The following CLPTM1 variants were observed in gnomAD, a reference collection of about 807,000 sequenced individuals.
CLPTM1 encodes the protein putative lipid scramblase CLPTM1.
Under a neutral mutation model 77.3 loss-of-function variants are expected in CLPTM1, and 21 were observed. The observed-to-expected ratio is 0.27, with a 90% CI of 0.19 to 0.39. The LOEUF is 0.39. Among genes scored for constraint, CLPTM1 ranks in the 10% least tolerant of loss-of-function variants. The probability of loss-of-function intolerance (pLI) is 1.00; values close to 1 mark genes in which losing one functional copy is unlikely to be tolerated. For missense variants in CLPTM1, 642 were observed against 921.2 expected, an observed-to-expected ratio of 0.70 and a Z score of 3.92; for synonymous variants, 373 against 381.0, an observed-to-expected ratio of 0.98 and a Z score of 0.24.
At chr19:44,988,471 C>T (rs1025833374) in intron 9 of CLPTM1, among the ~76,000 whole-genome samples, 6 of 152,264 alleles carry the variant, frequency 3.9e-5, no homozygotes, top group South Asian at 2.1e-4. Context: ...AGGGAAGCCC[C>T]GGAGCTGCTC....
At chr19:44,964,584 T>C (rs1162805066) in intron 2 of CLPTM1, among the ~76,000 whole-genome samples, 1 of 152,170 alleles carries the variant, frequency 6.6e-6, no homozygotes, top group Non-Finnish European at 1.5e-5. Flanking sequence ...GTCCTGGGAT[T>C]ATAGGCGTGA....
intron 2 of CLPTM1, among the ~76,000 whole-genome samples, chr19:44,968,265 ACTC>A (rs1457968684): frequency 2.0e-5 from 3 of 151,912 alleles, no homozygotes; most frequent in African/African-American, 7.3e-5. Flanking sequence ...GGGCCCATGA[ACTC>A]CTTGTAGCTT....
At chr19:44,971,652 G>A (rs1185718102) in intron 2 of CLPTM1, among the ~76,000 whole-genome samples, 2 of 152,016 alleles carry the variant, frequency 1.3e-5, no homozygotes, top group African/African-American at 4.8e-5. Flanking sequence ...TTGACCGTCA[G>A]GGCTCAAGTG....
chr19:44,992,492 G>A lies in CLPTM1; in HGVS notation c.1723+92G>A. The A allele has an allele frequency of 6.3e-7, 1 of 1,589,698 alleles. No individual in the cohort carries two copies. Among genetic ancestry groups the A allele is most frequent in the South Asian group, 1.1e-5 (1 of 89,430 alleles). On this transcript the variant is annotated intron_variant, in intron 13 of 13. Transcript: ENST00000337392. This position sits in a 1 kb window ranked among gnomAD's most constrained non-coding sequence, Gnocchi z 7.7. ...GGCCTGAGGGGGTGCCACGGCCCCA[G>A]ATGGGGTGCTCAGTCTGAGGGGGCT...
intron 3 of CLPTM1, among the ~76,000 whole-genome samples, 162 bp downstream of exon 3, chr19:44,973,372 G>A (rs899601950): frequency 1.3e-5 from 2 of 152,138 alleles, no homozygotes; most frequent in South Asian, 4.1e-4. Context: ...TCCCCAACAC[G>A]TGAGACCTCT....
intron 7 of CLPTM1, chr19:44,986,781 C>G (rs10420691): frequency 1.7e-6 from 1 of 602,048 alleles, no homozygotes; most frequent in Non-Finnish European, 2.8e-6. Flanking sequence ...GACTTCTACA[C>G]GCCAGCATCG....
rs148998756 is a variant in CLPTM1, at chr19:44,985,860, G to A, written c.672+557G>A. Among the ~76,000 whole-genome samples, 395 of 152,324 alleles carry A rather than the reference G, an allele frequency of 2.6e-3. 2 individuals carry two copies. Among genetic ancestry groups the A allele is most frequent in the African/African-American group, 9.0e-3 (373 of 41,572 alleles). ...GGAGCTGAGGCCACCGTGCAAGAGT[G>A]TGTGGAGCCTGCTGTCATGAGGCTG... On this transcript the variant is annotated intron_variant, in intron 6 of 13. Transcript: ENST00000337392.
At chr19:44,958,088 A>G (rs1488315590) in intron 1 of CLPTM1, among the ~76,000 whole-genome samples, 3 of 152,160 alleles carry the variant, frequency 2.0e-5, no homozygotes, top group Non-Finnish European at 4.4e-5. Flanking sequence ...AAGAGTTGCA[A>G]TTAAATAGGG....
In CLPTM1 at chr19:44,973,770, T is replaced by TG. The variant is rs369372025; in HGVS notation, c.309+560_309+561insG. 3.9e-4 allele frequency among the ~76,000 whole-genome samples: 53 copies of TG among 135,742 alleles called. 1 individual carries two copies. Among genetic ancestry groups the TG allele is most frequent in the East Asian group, 2.8e-3 (13 of 4,696 alleles). 89.1% of individuals were successfully genotyped at this position (135,742 alleles called of 152,430 possible). A position where few individuals can be genotyped will look rare whatever the true frequency, so the allele number is the denominator to read the frequency against. ...TGTTGGGTCACAGTGGGTTTTTTTT[T>TG]TTTTTTTTTTTGAGATGGAGTCTCA... On this transcript the variant is annotated intron_variant, in intron 3 of 13. Coordinates refer to ENST00000337392, the MANE Select transcript of CLPTM1 (RefSeq NM_001294.4).
intron 5 of CLPTM1, 26 bp downstream of exon 5, chr19:44,977,486 C>A: frequency 1.3e-6 from 2 of 1,543,674 alleles, no homozygotes; most frequent in Non-Finnish European, 8.9e-7. Context: ...GCAGCCAGGA[C>A]CCACTGTCCA....
chr19:44,987,505 T>A, intron 8 of CLPTM1, 82 bp downstream of exon 8: 1 of 1,556,352 alleles, frequency 6.4e-7, no homozygotes, highest in African/African-American at 1.3e-5. Context: ...AGGCCTGGGC[T>A]GTGGGACCTC....
At chr19:44,959,042 TC>T (rs1243013948) in intron 1 of CLPTM1, among the ~76,000 whole-genome samples, 1 of 152,210 alleles carries the variant, frequency 6.6e-6, no homozygotes, top group Non-Finnish European at 1.5e-5. Context: ...TTTGGGGAAA[TC>T]CTAAAGTACG....
chr19:44,983,061 A>G (rs555318804), intron 5 of CLPTM1, among the ~76,000 whole-genome samples: 209 of 109,688 alleles, frequency 1.9e-3, no homozygotes, highest in Non-Finnish European at 3.7e-3. Context: ...ACTCCATCTC[A>G]AAAAAAAAAA....
chr19:44,962,464 G>A (rs1450775600), intron 2 of CLPTM1, among the ~76,000 whole-genome samples: 1 of 152,116 alleles, frequency 6.6e-6, no homozygotes, highest in African/African-American at 2.4e-5. Flanking sequence ...TGTGGGCAGG[G>A]GCAGTTTCTT....
intron 1 of CLPTM1, among the ~76,000 whole-genome samples, chr19:44,957,142 G>A (rs750892591): frequency 2.6e-5 from 4 of 152,196 alleles, no homozygotes; most frequent in Non-Finnish European, 5.9e-5. Context: ...AAGGGGATCC[G>A]CTGCTCTGAA....
intron 2 of CLPTM1, among the ~76,000 whole-genome samples, chr19:44,972,471 A>C (rs1051922234): frequency 2.0e-5 from 3 of 151,760 alleles, no homozygotes; most frequent in East Asian, 1.9e-4. Flanking sequence ...GGATGGTCTC[A>C]ATCTCCTGAC....
intron 1 of CLPTM1, chr19:44,955,677 C>G: frequency 2.4e-6 from 1 of 421,196 alleles, no homozygotes; most frequent in Non-Finnish European, 4.0e-6. Flanking sequence ...CCCCTGCACG[C>G]TCGAGCCGGG....
At chr19:44,955,079 C>T (rs1970436863), upstream of CLPTM1, 4 of 1,535,642 alleles carry the variant, frequency 2.6e-6, no homozygotes, top group South Asian at 4.8e-5. Context: ...CTCATATAAC[C>T]GAAAAGGCGG....
At chr19:44,964,214 CAT>C (rs949063936) in intron 2 of CLPTM1, among the ~76,000 whole-genome samples, 1 of 145,516 alleles carries the variant, frequency 6.9e-6, no homozygotes, top group African/African-American at 2.5e-5. Flanking sequence ...GAGACTTTAA[CAT>C]ATGAATTTTG....
Sources: gnomAD v4.1 joint callset for allele counts (sites outside exome capture counted in the v4.1 genomes callset) on GRCh38, gnomAD v4.1.1 for gene constraint, Gnocchi (gnomAD v3.1) non-coding constraint, MANE v1.5 for transcripts, NCBI Gene and HGNC (gene_info 2026-07-23, HGNC 2026-07-21) for gene names.